Variants in TNKS observed in about 807,000 individuals in gnomAD.
The protein encoded by TNKS is tankyrase, also known as poly [ADP-ribose] polymerase tankyrase-1.
TNKS carries 72 observed loss-of-function variants against 135.8 expected under a neutral mutation model. The ratio of observed to expected loss-of-function variants is 0.53; its 90% CI spans 0.44 to 0.64. The LOEUF (loss-of-function observed/expected upper bound fraction) is 0.64, where lower values mean the gene tolerates loss of function less well. TNKS is among the 30% of genes least tolerant of loss of function. The probability of loss-of-function intolerance (pLI) is 0.00; values close to 1 mark genes in which losing one functional copy is unlikely to be tolerated. For synonymous variants in TNKS, 849 were observed against 649.3 expected, an observed-to-expected ratio of 1.31 and a Z score of -4.68; for missense variants, 1,769 against 1,674.0, an observed-to-expected ratio of 1.06 and a Z score of -0.99.
Position 9,672,722 on chromosome 8 carries a change from A to AC in TNKS, c.995-7229_995-7228insC, listed in dbSNP as rs1225390847. 3.2e-3 allele frequency among the ~76,000 whole-genome samples: 472 copies of AC among 145,996 alleles called. 3 individuals are homozygous for AC. The highest frequency in any genetic ancestry group is 4.7e-3 in the Non-Finnish European group (313 of 67,170). ...CACACACACACACACAAAAAAAAAA[A>AC]AACAAACTAATATCCCACTTCCCCC... On this transcript the variant is annotated intron_variant, in intron 3 of 26. Coordinates refer to ENST00000310430, the MANE Select transcript of TNKS (RefSeq NM_003747.3).
At chr8:9,585,586 C>T (rs901169847) in intron 2 of TNKS, among the ~76,000 whole-genome samples, 1 of 152,108 alleles carries the variant, frequency 6.6e-6, no homozygotes, top group African/African-American at 2.4e-5. Flanking sequence ...AGCTTGAAGA[C>T]AATGGAATAA....
intron 3 of TNKS, among the ~76,000 whole-genome samples, chr8:9,639,908 A>C (rs1457408833): frequency 6.6e-6 from 1 of 152,186 alleles, no homozygotes; most frequent in Non-Finnish European, 1.5e-5. Flanking sequence ...TTATGTTCCA[A>C]AAGACTAATC....
At chr8:9,745,422 T>G (rs1054557236) in intron 17 of TNKS, among the ~76,000 whole-genome samples, 3 of 152,192 alleles carry the variant, frequency 2.0e-5, no homozygotes, top group South Asian at 4.1e-4. Flanking sequence ...TTGTTTTGTT[T>G]TGAGATGGAA....
At chr8:9,746,696 A>G (rs1376252336) in intron 17 of TNKS, among the ~76,000 whole-genome samples, 2 of 152,028 alleles carry the variant, frequency 1.3e-5, no homozygotes, top group East Asian at 1.9e-4. Context: ...TCAGCCCTCC[A>G]TAGGTATTGA....
chr8:9,758,201 T>C (rs1352997826), intron 20 of TNKS, among the ~76,000 whole-genome samples: 1 of 152,194 alleles, frequency 6.6e-6, no homozygotes, highest in Non-Finnish European at 1.5e-5. Context: ...GCTTGTTATG[T>C]AGCGAGTACA....
At chr8:9,769,881 C>T (rs1318270196) in intron 25 of TNKS, among the ~76,000 whole-genome samples, 1 of 152,038 alleles carries the variant, frequency 6.6e-6, no homozygotes, top group Admixed American at 6.6e-5. Flanking sequence ...GATTCCTAAG[C>T]CATACCAAAA....
At chr8:9,577,043 C>T (rs1237952636) in intron 1 of TNKS, among the ~76,000 whole-genome samples, 1 of 152,028 alleles carries the variant, frequency 6.6e-6, no homozygotes, top group Non-Finnish European at 1.5e-5. Flanking sequence ...AAGAGTTCAA[C>T]TGTATTCATA....
chr8:9,708,043 A>G (rs1356862455), intron 8 of TNKS, among the ~76,000 whole-genome samples: 2 of 152,190 alleles, frequency 1.3e-5, no homozygotes, highest in Non-Finnish European at 2.9e-5. Context: ...AGAAAGTGTT[A>G]CAGCATATGT....
At chr8:9,697,660 C>T (rs1217838020) in intron 5 of TNKS, among the ~76,000 whole-genome samples, 1 of 152,070 alleles carries the variant, frequency 6.6e-6, no homozygotes, top group Non-Finnish European at 1.5e-5. Context: ...ATAAGACATA[C>T]AAGCAGCCAA....
Position 9,672,721 on chromosome 8 carries a change from A to AC in TNKS, c.995-7230_995-7229insC, listed in dbSNP as rs201319645. On this transcript the variant is annotated intron_variant, in intron 3 of 26. Coordinates refer to ENST00000310430, the MANE Select transcript of TNKS (RefSeq NM_003747.3). ...ACACACACACACACACAAAAAAAAA[A>AC]AAACAAACTAATATCCCACTTCCCC... 5.8e-3 allele frequency among the ~76,000 whole-genome samples: 861 copies of AC among 147,618 alleles called. 11 individuals are homozygous for AC. Among genetic ancestry groups the AC allele is most frequent in the African/African-American group, 0.021 (842 of 39,278 alleles).
At position 9,690,818 on chromosome 8, in the gene TNKS, C is replaced by G. The variant is rs544431509; in HGVS notation, c.1107+10018C>G. ...ATGCCTTCCTAAAGATGAGTACTTC[C>G]ATTACTTTGGAAGAACATCCTTTCT... On this transcript the variant is annotated intron_variant, in intron 5 of 26. Coordinates refer to ENST00000310430, the MANE Select transcript of TNKS (RefSeq NM_003747.3). Among the ~76,000 whole-genome samples the G allele has an allele frequency of 1.2e-3, 181 of 152,174 alleles. 1 individual carries two copies. The highest frequency in any genetic ancestry group is 4.2e-3 in the African/African-American group (176 of 41,530).
At chr8:9,765,353 T>TA (rs1294801759) in intron 23 of TNKS, among the ~76,000 whole-genome samples, 7 of 151,942 alleles carry the variant, frequency 4.6e-5, no homozygotes, top group African/African-American at 9.7e-5. Flanking sequence ...GGAACTTTTT[T>TA]AAAAAAAATA....
chr8:9,656,710 T>A (rs1350180522), intron 3 of TNKS, among the ~76,000 whole-genome samples: 2 of 149,696 alleles, frequency 1.3e-5, no homozygotes, highest in African/African-American at 4.9e-5. Flanking sequence ...GGAGGGAAGG[T>A]CAGCAGATAA....
chr8:9,673,079 C>T (rs956667587), intron 3 of TNKS, among the ~76,000 whole-genome samples: 2 of 151,700 alleles, frequency 1.3e-5, no homozygotes, highest in Non-Finnish European at 2.9e-5. Flanking sequence ...TTTTTTTGGC[C>T]GATGTGTATT....
chr8:9,574,214 A>G (rs1797859954), intron 1 of TNKS, among the ~76,000 whole-genome samples: 1 of 152,184 alleles, frequency 6.6e-6, no homozygotes, highest in African/African-American at 2.4e-5. Context: ...GAATGTGCTG[A>G]AATTTATACA....
At chr8:9,740,589 A>G (rs1805891047) in intron 17 of TNKS, among the ~76,000 whole-genome samples, 1 of 152,158 alleles carries the variant, frequency 6.6e-6, no homozygotes, top group African/African-American at 2.4e-5. Flanking sequence ...GTATGATATA[A>G]ATTAATTGAA....
At chr8:9,574,795 C>T (rs536491853) in intron 1 of TNKS, among the ~76,000 whole-genome samples, 22 of 152,022 alleles carry the variant, frequency 1.4e-4, no homozygotes, top group African/African-American at 5.1e-4. Flanking sequence ...CATTTTTGGC[C>T]AATGAACTAT....
chr8:9,684,602 T>C (rs1487669509), intron 5 of TNKS, among the ~76,000 whole-genome samples: 1 of 152,144 alleles, frequency 6.6e-6, no homozygotes, highest in Non-Finnish European at 1.5e-5. Flanking sequence ...TCTTTGAATA[T>C]ATCTACTCTG....
At chr8:9,595,465 C>T (rs886718982) in intron 2 of TNKS, among the ~76,000 whole-genome samples, 3 of 152,010 alleles carry the variant, frequency 2.0e-5, no homozygotes, top group Non-Finnish European at 4.4e-5. Context: ...CAACTGCTTT[C>T]AGGAAGGTTA....
Sources: gnomAD v4.1 joint callset for allele counts (sites outside exome capture counted in the v4.1 genomes callset) on GRCh38, gnomAD v4.1.1 for gene constraint, MANE v1.5 for transcripts, NCBI Gene and HGNC (gene_info 2026-07-23, HGNC 2026-07-21) for gene names.